The following SLC47A1 variants were observed in gnomAD, a reference collection of about 807,000 sequenced individuals.
SLC47A1 encodes multidrug and toxin extrusion protein 1.
Under a neutral mutation model 65.8 loss-of-function variants are expected in SLC47A1, and 58 were observed. That is an observed-to-expected ratio of 0.88 (90% CI 0.71 to 1.10). The LOEUF (loss-of-function observed/expected upper bound fraction) is 1.10, where lower values mean the gene tolerates loss of function less well. SLC47A1 is among the 50% of genes least tolerant of loss of function. The pLI is 0.00. For missense variants in SLC47A1, 706 were observed against 719.2 expected (o/e 0.98, Z 0.21); for synonymous variants, 285 against 295.0 (o/e 0.97, Z 0.35).
At chr17:19,547,550 G>A (rs1049371526) in intron 3 of SLC47A1, among the ~76,000 whole-genome samples, 3 of 151,492 alleles carry the variant, frequency 2.0e-5, no homozygotes, top group Non-Finnish European at 2.9e-5. Flanking sequence ...AAAAAGGTAC[G>A]GATCTCTGAA....
At position 19,555,909 on chromosome 17, in the gene SLC47A1, G is replaced by C; in HGVS notation, c.853G>C (p.Gly285Arg). 6.2e-7 allele frequency: 1 copy of C among 1,613,998 alleles called. No homozygotes were observed. The highest frequency in any genetic ancestry group is 8.5e-7 in the Non-Finnish European group (1 of 1,179,942). The change falls in exon 9 of 17, where the codon GGC becomes CGC. Residue 285 changes from glycine to arginine, a missense_variant and splice_region_variant. Transcript: ENST00000270570. ...CTATGAGGTCGGGAGCTTCCTCAGT[G>C]GTCTGTATGAGGATGGATGACGGGG... is the stretch of plus-strand genomic sequence containing the variant. ...WAYEVGSFLS[G>R]ILGMVELGAQ...
chr17:19,558,922 CA>C (rs932193623), intron 10 of SLC47A1, among the ~76,000 whole-genome samples: 4 of 152,226 alleles, frequency 2.6e-5, no homozygotes, highest in African/African-American at 9.6e-5. Flanking sequence ...ATCTGTGTAT[CA>C]GATTTTCTTT....
At chr17:19,550,885 A>G (rs145526079) in intron 5 of SLC47A1, among the ~76,000 whole-genome samples, 56 of 152,208 alleles carry the variant, frequency 3.7e-4, no homozygotes, top group Non-Finnish European at 6.2e-4. Context: ...CACGAGTCCT[A>G]TTGGATTAGG....
chr17:19,549,730 T>C (rs1916396289), intron 5 of SLC47A1, 53 bp downstream of exon 5: 6 of 1,576,568 alleles, frequency 3.8e-6, no homozygotes, highest in East Asian at 2.2e-5. Flanking sequence ...GGGTGAAAGG[T>C]AGCCACCATA....
At chr17:19,552,628 G>A (rs1346319068) in intron 6 of SLC47A1, among the ~76,000 whole-genome samples, 2 of 152,198 alleles carry the variant, frequency 1.3e-5, no homozygotes, top group East Asian at 1.9e-4. Flanking sequence ...CCTGTTCTCT[G>A]GGGCACAGGG....
chr17:19,546,569 G>T, intron 3 of SLC47A1, 66 bp downstream of exon 3: 11 of 1,482,044 alleles, frequency 7.4e-6, no homozygotes, highest in South Asian at 1.2e-5. Context: ...AGATGGAAGA[G>T]CTCCACTGGC....
intron 1 of SLC47A1, 27 bp downstream of exon 1, chr17:19,534,101 C>T (rs1277120173): frequency 8.0e-6 from 12 of 1,502,342 alleles, no homozygotes; most frequent in Middle Eastern, 3.7e-4. Flanking sequence ...CAGTGGCAGG[C>T]CGGTACCGGC....
chr17:19,555,977 G>A lies in SLC47A1; in HGVS notation c.854-18G>A, dbSNP rs764905735. ...GGCCCTGTCTGGGTGCAAGGCGACA[G>A]CTGTCTTTCTTCACCAGGCATCCTC... On this transcript the variant is annotated intron_variant, in intron 9 of 16. Transcript: ENST00000270570. 6.2e-7 allele frequency: 1 copy of A among 1,614,196 alleles called. No homozygotes were observed. Among genetic ancestry groups the A allele is most frequent in the East Asian group, 2.2e-5 (1 of 44,878 alleles).
At chr17:19,574,861 C>T (rs1226799250) in intron 16 of SLC47A1, among the ~76,000 whole-genome samples, 1 of 152,170 alleles carries the variant, frequency 6.6e-6, no homozygotes, top group African/African-American at 2.4e-5. Context: ...TTCTTGAACT[C>T]CTGACCTCAA....
At chr17:19,543,919 T>C (rs989301233) in intron 2 of SLC47A1, among the ~76,000 whole-genome samples, 1 of 152,150 alleles carries the variant, frequency 6.6e-6, no homozygotes, top group African/African-American at 2.4e-5. Context: ...CAAGTATATG[T>C]GGAGCTAGCT....
At chr17:19,539,865 A>G (rs1485446374) in intron 1 of SLC47A1, among the ~76,000 whole-genome samples, 1 of 152,138 alleles carries the variant, frequency 6.6e-6, no homozygotes, top group African/African-American at 2.4e-5. Flanking sequence ...GTCTATGGCC[A>G]AGCGTTCACC....
chr17:19,570,296 C>CA (rs1293820411), intron 14 of SLC47A1, among the ~76,000 whole-genome samples: 2 of 152,166 alleles, frequency 1.3e-5, no homozygotes, highest in Admixed American at 1.3e-4. Context: ...GCAAGACAAG[C>CA]AAAGTCTGTG....
intron 15 of SLC47A1, 83 bp downstream of exon 15, chr17:19,571,655 A>G (rs1166178847): frequency 1.9e-6 from 2 of 1,058,772 alleles, no homozygotes; most frequent in African/African-American, 1.6e-5. Flanking sequence ...TTTCTTTTGG[A>G]AAGTTCTTTT....
chr17:19,577,333 C>G lies in SLC47A1; in HGVS notation c.1493C>G (p.Pro498Arg), dbSNP rs1435391409. Reference protein sequence around the residue: ...LPQDPLHPGCPENLEGILTND... With the variant: ...LPQDPLHPGCRENLEGILTND... ...AGTTCCTTTTTCCTCCCAGGGTGCC[C>G]TGAAAACCTTGAAGGAATTTTAACG... The change falls in exon 17 of 17, where the codon CCT (proline) becomes CGT (arginine). Residue 498 changes from proline to arginine, a missense_variant. Physicochemically the swap from Pro to Arg is moderately radical, Grantham distance 103 (BLOSUM62 -2). Transcript: ENST00000270570. 1 of 1,613,984 alleles carries G rather than the reference C, an allele frequency of 6.2e-7. No homozygotes were observed. The highest frequency in any genetic ancestry group is 8.5e-7 in the Non-Finnish European group (1 of 1,179,950).
chr17:19,577,928 A>T lies in SLC47A1; in HGVS notation c.*375A>T, dbSNP rs568905495. On this transcript the variant is annotated 3_prime_UTR_variant, in exon 17 of 17. Coordinates refer to ENST00000270570, the MANE Select transcript of SLC47A1 (RefSeq NM_018242.3). ...TTATGTAAAATATATTTTACAGTATATCTTTCCTTGGGCCTTAGATTACTA... is the reference window on the plus strand; with the variant it reads ...TTATGTAAAATATATTTTACAGTATTTCTTTCCTTGGGCCTTAGATTACTA... 64 of 1,257,888 alleles carry T rather than the reference A, an allele frequency of 5.1e-5. No homozygotes were observed. Among genetic ancestry groups the T allele is most frequent in the Non-Finnish European group, 6.4e-5 (63 of 978,188 alleles). 77.9% of individuals were successfully genotyped at this position (1,257,888 alleles called of 1,614,324 possible).
At chr17:19,560,878 T>TA (rs773197178) in intron 12 of SLC47A1, among the ~76,000 whole-genome samples, 3,357 of 116,088 alleles carry the variant, frequency 0.029, 87 homozygotes, top group African/African-American at 0.075. Context: ...GACTCCGTCT[T>TA]AAAAAAAAAA....
chr17:19,543,525 C>A (rs367847073), intron 2 of SLC47A1, among the ~76,000 whole-genome samples: 5 of 152,288 alleles, frequency 3.3e-5, no homozygotes, highest in South Asian at 2.1e-4. Flanking sequence ...CTGACTCCCC[C>A]CCATGCCCAC....
chr17:19,574,159 G>C (rs956646878), intron 16 of SLC47A1, among the ~76,000 whole-genome samples: 1 of 151,992 alleles, frequency 6.6e-6, no homozygotes, highest in East Asian at 1.9e-4. Context: ...CTGACCACAA[G>C]TGATCCACCC....
chr17:19,552,234 G>A (rs1352732903), intron 6 of SLC47A1, among the ~76,000 whole-genome samples: 1 of 152,088 alleles, frequency 6.6e-6, no homozygotes, highest in Non-Finnish European at 1.5e-5. Flanking sequence ...GTAGATATGG[G>A]GTCTTGCTAT....
Sources: gnomAD v4.1 joint callset for allele counts (sites outside exome capture counted in the v4.1 genomes callset) on GRCh38, gnomAD v4.1.1 for gene constraint, MANE v1.5 for transcripts, NCBI Gene and HGNC (gene_info 2026-07-23, HGNC 2026-07-21) for gene names.